Variants in GPR143 observed in about 807,000 individuals in gnomAD.
GPR143 encodes the protein G protein-coupled receptor 143.
A neutral mutation model predicts 27.6 loss-of-function variants in GPR143; 8 were observed. That is an observed-to-expected ratio of 0.29 (90% CI 0.17 to 0.52). The LOEUF (loss-of-function observed/expected upper bound fraction) is 0.52, where lower values mean the gene tolerates loss of function less well. Ranked by LOEUF, GPR143 falls within the 20% of genes least tolerant of loss-of-function variation. GPR143 has a pLI of 0.96. For missense variants in GPR143, 303 were observed against 343.1 expected, an observed-to-expected ratio of 0.88 and a Z score of 0.92; for synonymous variants, 156 against 153.2, an observed-to-expected ratio of 1.02 and a Z score of -0.13.
chrX:9,778,158 T>C (rs1161513325), intron 1 of GPR143, among the ~76,000 whole-genome samples: 3 of 111,790 alleles, frequency 2.7e-5, no homozygotes, highest in African/African-American at 9.8e-5. Context: ...GTTGGATGCA[T>C]ACATTAAGCA....
In GPR143 at chrX:9,765,442, G is replaced by A; in HGVS notation, c.250+126C>T. The A allele has an allele frequency of 1.0e-5, 7 of 689,601 alleles. No homozygotes were observed. In the South Asian group the frequency reaches 2.7e-4, roughly 27 times the overall value. The allele number at this position is 689,601 out of a possible 1,213,427, so 56.8% of individuals were successfully genotyped here. ...GGGCCTCTCGTCCTCACTCCATCAC[G>A]GAACAGGTCCAAATCCACAGGCCGT... On this transcript the variant is annotated intron_variant, in intron 1 of 8. Coordinates refer to ENST00000467482, the MANE Select transcript of GPR143 (RefSeq NM_000273.3).
intron 3 of GPR143, among the ~76,000 whole-genome samples, chrX:9,751,643 C>A (rs2083451840): frequency 8.9e-6 from 1 of 112,232 alleles, no homozygotes; most frequent in African/African-American, 3.2e-5. Flanking sequence ...CTAATGGGTA[C>A]AGGGTTTCTT....
At chrX:9,765,935 C>T, upstream of GPR143, 1 of 750,773 alleles carries the variant, frequency 1.3e-6, no homozygotes, top group East Asian at 4.5e-5. Context: ...CACCCCAACC[C>T]CCAGCGCCTG....
chrX:9,740,230 C>T (rs927492152), intron 7 of GPR143, among the ~76,000 whole-genome samples: 1 of 111,811 alleles, frequency 8.9e-6, no homozygotes, highest in African/African-American at 3.2e-5. Context: ...GAGGCTCAGA[C>T]GGAGTCTGGG....
At chrX:9,760,256 T>G (rs972672997) in intron 2 of GPR143, among the ~76,000 whole-genome samples, 2 of 110,800 alleles carry the variant, frequency 1.8e-5, no homozygotes, top group Non-Finnish European at 3.8e-5. Context: ...CACGCCGAGC[T>G]AATTTTTGTA....
At chrX:9,735,437 G>T (rs2083375125) in intron 8 of GPR143, among the ~76,000 whole-genome samples, 1 of 110,846 alleles carries the variant, frequency 9.0e-6, no homozygotes. Flanking sequence ...TCTCCTCTTT[G>T]CCTATGCTGT....
chrX:9,777,260 A>T (rs1159528386), intron 1 of GPR143, among the ~76,000 whole-genome samples: 1 of 112,513 alleles, frequency 8.9e-6, no homozygotes, highest in Non-Finnish European at 1.9e-5. Context: ...AAAGAAACTC[A>T]GCCAGGCGTG....
chrX:9,743,643 A>G lies in GPR143; in HGVS notation c.689T>C (p.Ile230Thr). 8.5e-7 allele frequency: 1 copy of G among 1,175,775 alleles called. No individual in the cohort carries two copies. Among genetic ancestry groups the G allele is most frequent in the Non-Finnish European group, 1.2e-6 (1 of 862,349 alleles). ...CATCCTCCTCTCGTTCTCCGTGTAAATGCCTTGTCTTCCTTTAAGTAAAGA... is the reference window on the plus strand; with the variant it reads ...CATCCTCCTCTCGTTCTCCGTGTAAGTGCCTTGTCTTCCTTTAAGTAAAGA... Reference protein sequence around the residue: ...VASLLKGRQGIYTENERRMGA... With the variant: ...VASLLKGRQGTYTENERRMGA... The change falls in exon 6 of 9, where the codon ATT (isoleucine) becomes ACT (threonine). Residue 230 changes from isoleucine to threonine, a missense_variant. By Grantham distance (89) the Ile-to-Thr change is moderately conservative (BLOSUM62 -1). Coordinates refer to ENST00000467482, the MANE Select transcript of GPR143 (RefSeq NM_000273.3).
intron 8 of GPR143, among the ~76,000 whole-genome samples, chrX:9,736,505 G>T: frequency 9.0e-6 from 1 of 110,940 alleles, no homozygotes; most frequent in Middle Eastern, 4.7e-3. Context: ...GCCCAGTCTG[G>T]ACTCCAACTC....
chrX:9,738,031 G>A (rs1407251233), intron 8 of GPR143, among the ~76,000 whole-genome samples: 1 of 111,782 alleles, frequency 8.9e-6, no homozygotes, highest in African/African-American at 3.3e-5. Flanking sequence ...CTCACAGAGA[G>A]CAGCCTCCAG....
chrX:9,770,160 C>CAAA (rs55901901), upstream of GPR143, among the ~76,000 whole-genome samples: 2 of 26,825 alleles, frequency 7.5e-5, no homozygotes, highest in African/African-American at 1.7e-4. Flanking sequence ...CTCCCCCAGT[C>CAAA]AAAAAAAAAA....
At chrX:9,773,106 T>C (rs952539260) in intron 1 of GPR143, among the ~76,000 whole-genome samples, 3 of 111,930 alleles carry the variant, frequency 2.7e-5, no homozygotes, top group African/African-American at 9.7e-5. Flanking sequence ...GTGTTTTACA[T>C]GTAAATTCAC....
intron 1 of GPR143, among the ~76,000 whole-genome samples, chrX:9,761,613 G>C (rs1171436544): frequency 3.0e-5 from 2 of 66,868 alleles, no homozygotes; most frequent in Non-Finnish European, 6.5e-5. Flanking sequence ...TGAATATATA[G>C]TTCCTTCATT....
intron 1 of GPR143, among the ~76,000 whole-genome samples, chrX:9,765,023 CAA>C (rs549035721): frequency 0.19 from 16,178 of 86,145 alleles, 1,197 homozygotes; most frequent in Middle Eastern, 0.25. Context: ...GACTCCGTCT[CAA>C]AAAAAAAAAA....
chrX:9,759,600 G>A (rs2083487623), intron 2 of GPR143, among the ~76,000 whole-genome samples, 174 bp from the exon 3 acceptor site: 1 of 111,682 alleles, frequency 9.0e-6, no homozygotes, highest in Non-Finnish European at 1.9e-5. Flanking sequence ...TGTGGCCTGG[G>A]ATAGGTGTAG....
Position 9,775,722 on chromosome X carries a change from C to T in GPR143, c.-3+10520G>A, listed in dbSNP as rs185906817. On this transcript the variant is annotated intron_variant, in intron 1 of 7. Transcript: ENST00000447366. ...AAAATGCATCTTCTCACCCCACCCT[C>T]TTGAAGCTGCACTTTTCTTGAAGTC... Among the ~76,000 whole-genome samples, 195 of 112,027 alleles carry T rather than the reference C, an allele frequency of 1.7e-3. 2 individuals are homozygous for T. The highest frequency in any genetic ancestry group is 6.1e-3 in the African/African-American group (187 of 30,871).
chrX:9,739,378 C>T (rs950783001), intron 8 of GPR143, 107 bp downstream of exon 8: 14 of 545,432 alleles, frequency 2.6e-5, no homozygotes, highest in African/African-American at 2.3e-4. Context: ...TGCTGCTGAA[C>T]ACCCCGCCAT....
intron 3 of GPR143, 53 bp downstream of exon 3, chrX:9,759,279 A>G: frequency 3.9e-6 from 3 of 767,328 alleles, no homozygotes; most frequent in Non-Finnish European, 4.0e-6. Context: ...GCCATCTCTT[A>G]TCTTCCCTCT....
Position 9,725,763 on chromosome X carries a change from T to A in GPR143, c.1198A>T (p.Thr400Ser). 8.3e-7 allele frequency: 1 copy of A among 1,203,658 alleles called. No homozygotes were observed. ...NKNEGDPALP[T>S]HGDL ...CATCCCCTTCATAGGTCTCCATGGG[T>A]TGGGAGAGCAGGGTCACCCTCATTT... The change falls in exon 9 of 9, where the codon ACC (threonine) becomes TCC (serine). Residue 400 changes from threonine (T) to serine (S), a missense_variant. By Grantham distance (58) the Thr-to-Ser change is moderately conservative. Coordinates refer to ENST00000467482, the MANE Select transcript of GPR143 (RefSeq NM_000273.3).
Sources: gnomAD v4.1 joint callset for allele counts (sites outside exome capture counted in the v4.1 genomes callset) on GRCh38, gnomAD v4.1.1 for gene constraint, MANE v1.5 for transcripts, NCBI Gene and HGNC (gene_info 2026-07-23, HGNC 2026-07-21) for gene names.